GRM4: variants seen among roughly 807,000 people sequenced by gnomAD.
The protein encoded by GRM4 is glutamate metabotropic receptor 4, also known as metabotropic glutamate receptor 4.
GRM4 carries 28 observed loss-of-function variants against 81.7 expected under a neutral mutation model. The observed-to-expected ratio is 0.34, with a 90% CI of 0.25 to 0.47. The LOEUF is 0.47. Ranked by LOEUF, GRM4 falls within the 20% of genes least tolerant of loss-of-function variation. The pLI is 1.00. For missense variants in GRM4, 948 were observed against 1,290.0 expected (o/e 0.73, Z 4.06); for synonymous variants, 488 against 528.8 (o/e 0.92, Z 1.06).
At position 34,049,408 on chromosome 6, in the gene GRM4, C is replaced by A. The variant is rs901757919; in HGVS notation, c.1168+7136G>T. On this transcript the variant is annotated intron_variant, in intron 6 of 10. Transcript: ENST00000538487. ...CCCTTCTCAGCTTCCATGCTGGCCC[C>A]CTTCTCTCTGCCCCCAACACTCCAG... 2.6e-5 allele frequency among the ~76,000 whole-genome samples: 4 copies of A among 152,060 alleles called. No individual in the cohort carries two copies. In the East Asian group the frequency reaches 7.7e-4, roughly 29 times the overall value.
intron 2 of GRM4, among the ~76,000 whole-genome samples, chr6:34,128,487 T>A (rs1040250059): frequency 6.6e-6 from 1 of 150,888 alleles, no homozygotes; most frequent in Non-Finnish European, 1.5e-5. Context: ...AAGCGATTCA[T>A]CTGCCTCAGC....
At chr6:34,139,900 C>T (rs573928365) in intron 1 of GRM4, among the ~76,000 whole-genome samples, 1 of 152,362 alleles carries the variant, frequency 6.6e-6, no homozygotes, top group East Asian at 1.9e-4. Flanking sequence ...ACCCACTGTG[C>T]ACCAGCCTCT....
At position 34,056,725 on chromosome 6, in the gene GRM4, T is replaced by C. The variant is rs769323801; in HGVS notation, c.1028-41A>G. The C allele has an allele frequency of 4.8e-5, 77 of 1,593,806 alleles. 1 individual carries two copies. The highest frequency in any genetic ancestry group is 6.3e-5 in the Non-Finnish European group (74 of 1,168,040). ...GACGTCAGGGCCTCACTGGCCTTCT[T>C]CCCCACCAGCCCCAGCCCTCCCCGC... On this transcript the variant is annotated intron_variant, in intron 5 of 10. Transcript: ENST00000538487.
chr6:34,059,254 C>T lies in GRM4; in HGVS notation c.873-126G>A. The T allele has an allele frequency of 6.2e-6, 5 of 803,332 alleles. No individual in the cohort carries two copies. In the South Asian group the frequency reaches 8.3e-5, roughly 13 times the overall value. 49.8% of individuals were successfully genotyped at this position (803,332 alleles called of 1,614,324 possible). A position where few individuals can be genotyped will look rare whatever the true frequency, so the allele number is the denominator to read the frequency against. ...AGCCCAGGGTCCACAACTGTCCCAG[C>T]ACCGATGCTTTCACCCCAAGCCATG... On this transcript the variant is annotated intron_variant, in intron 4 of 10. Transcript: ENST00000538487. The surrounding 1 kb of genome is among the most constrained non-coding windows in gnomAD (Gnocchi z 5.7).
At position 34,137,197 on chromosome 6, in the gene GRM4, C is replaced by T. The variant is rs149912826; in HGVS notation, c.-363-3338G>A. ...GGCCCCACCCCCAGACGGGCCTCTTCCCCCTTTCCTTTCCTTCTCCCTTCC... is the reference window on the plus strand; with the variant it reads ...GGCCCCACCCCCAGACGGGCCTCTTTCCCCTTTCCTTTCCTTCTCCCTTCC... On this transcript the variant is annotated intron_variant, in intron 1 of 10. Coordinates refer to ENST00000538487, the MANE Select transcript of GRM4 (RefSeq NM_000841.4). Among the ~76,000 whole-genome samples, 616 of 152,342 alleles carry T rather than the reference C, an allele frequency of 4.0e-3. 6 individuals are homozygous for T. Among genetic ancestry groups the T allele is most frequent in the African/African-American group, 0.014 (585 of 41,576 alleles).
At chr6:34,134,093 GCTAT>G (rs1352225732) in intron 1 of GRM4, among the ~76,000 whole-genome samples, 1 of 152,126 alleles carries the variant, frequency 6.6e-6, no homozygotes, top group Non-Finnish European at 1.5e-5. Flanking sequence ...TGTACCCACT[GCTAT>G]CAGTAGCCCG....
In GRM4 at chr6:34,069,192, ACACACACACACACG is replaced by A. The variant is rs1194112109; in HGVS notation, c.737-7178_737-7165del. On this transcript the variant is annotated intron_variant, in intron 3 of 10. Transcript: ENST00000538487. The surrounding 1 kb of genome is among the most constrained non-coding windows in gnomAD (Gnocchi z 6.4). Reference sequence around the variant, plus strand: ...TACACACACACACACACACACACACACACACACACACACGCACGCACACACGGCTCCTTCCTTCT... The same window carrying A: ...TACACACACACACACACACACACACACACGCACACACGGCTCCTTCCTTCT... 9.7e-4 allele frequency among the ~76,000 whole-genome samples: 144 copies of A among 148,028 alleles called. No individual in the cohort carries two copies. The highest frequency in any genetic ancestry group is 3.4e-3 in the African/African-American group (134 of 38,858).
At chr6:34,071,568 CCACA>C (rs751577392) in intron 3 of GRM4, among the ~76,000 whole-genome samples, 56 of 26,284 alleles carry the variant, frequency 2.1e-3, no homozygotes, top group Non-Finnish European at 2.9e-3. Flanking sequence ...CAGATAAACA[CCACA>C]CACACACACA....
chr6:34,146,133 T>C (rs2127520160), upstream of GRM4: 1 of 985,464 alleles, frequency 1.0e-6, no homozygotes, highest in Non-Finnish European at 1.2e-6. Context: ...CCCTGGTGCG[T>C]CACTGGAACC....
intron 2 of GRM4, among the ~76,000 whole-genome samples, chr6:34,108,538 G>A (rs548199804): frequency 2.6e-5 from 4 of 152,298 alleles, no homozygotes; most frequent in African/African-American, 4.8e-5. Context: ...AGGATTGGAC[G>A]GAATCACCTA....
At chr6:34,139,010 C>T (rs77318299) in intron 1 of GRM4, among the ~76,000 whole-genome samples, 3,412 of 152,350 alleles carry the variant, frequency 0.022, 114 homozygotes, top group African/African-American at 0.067. Context: ...TCAACCCACC[C>T]CAGGCCAGCT....
intron 1 of GRM4, among the ~76,000 whole-genome samples, chr6:34,144,340 C>G (rs561954079): frequency 1.7e-4 from 26 of 152,286 alleles, no homozygotes; most frequent in South Asian, 4.1e-4. Context: ...GACCCCGGAG[C>G]GGGGACCCCC....
chr6:34,036,644 C>T lies in GRM4; in HGVS notation c.1507-41G>A. On this transcript the variant is annotated intron_variant, in intron 8 of 10. Coordinates refer to ENST00000538487, the MANE Select transcript of GRM4 (RefSeq NM_000841.4). The surrounding 1 kb of genome is among the most constrained non-coding windows in gnomAD (Gnocchi z 9.0). ...CCGTAAAGCAGGCCTCAGAACATGC[C>T]ACCCGGTGCCCCGGACCATCCTACT... 1 of 1,144,434 alleles carries T rather than the reference C, an allele frequency of 8.7e-7. No individual in the cohort carries two copies. The highest frequency in any genetic ancestry group is 1.4e-5 in the South Asian group (1 of 70,684). 70.9% of individuals were successfully genotyped at this position (1,144,434 alleles called of 1,614,324 possible).
intron 9 of GRM4, among the ~76,000 whole-genome samples, chr6:34,033,540 T>C (rs748505331): frequency 7.9e-5 from 12 of 152,116 alleles, no homozygotes; most frequent in Non-Finnish European, 1.6e-4. Context: ...CCAGCTGCCA[T>C]GGGGCCAAAC....
intron 2 of GRM4, among the ~76,000 whole-genome samples, chr6:34,124,732 A>G (rs1769954320): frequency 6.6e-6 from 1 of 152,260 alleles, no homozygotes; most frequent in South Asian, 2.1e-4. Flanking sequence ...GGAGATGGCC[A>G]GTAGGTTCAG....
chr6:34,127,445 G>A (rs1469213269), intron 2 of GRM4, among the ~76,000 whole-genome samples: 2 of 152,236 alleles, frequency 1.3e-5, no homozygotes, highest in Admixed American at 6.5e-5. Context: ...GAGAGACAAA[G>A]GGACATCAGG....
chr6:34,032,400 G>A (rs1562010271), intron 9 of GRM4, among the ~76,000 whole-genome samples: 1 of 152,268 alleles, frequency 6.6e-6, no homozygotes, highest in Non-Finnish European at 1.5e-5. Context: ...CAGACCTGCA[G>A]CTTGCACTGG....
rs1312063953 is a variant in GRM4 at position 34,070,819 on chromosome 6, C to T, written c.737-8791G>A. On this transcript the variant is annotated intron_variant, in intron 3 of 10. Coordinates refer to ENST00000538487, the MANE Select transcript of GRM4 (RefSeq NM_000841.4). The surrounding 1 kb of genome is among the most constrained non-coding windows in gnomAD (Gnocchi z 4.6). Reference sequence around the variant, plus strand: ...ACACACACACACACACACACACACACGGCAATGCACACCCTTACAAAATCA... The same window carrying T: ...ACACACACACACACACACACACACATGGCAATGCACACCCTTACAAAATCA... Among the ~76,000 whole-genome samples, 3 of 138,162 alleles carry T rather than the reference C, an allele frequency of 2.2e-5. No individual in the cohort carries two copies. Among genetic ancestry groups the T allele is most frequent in the Admixed American group, 7.1e-5 (1 of 14,020 alleles). 90.6% of individuals were successfully genotyped at this position (138,162 alleles called of 152,430 possible). A position where few individuals can be genotyped will look rare whatever the true frequency, so the allele number is the denominator to read the frequency against.
At chr6:34,155,291 G>C (rs920842664) in exon 1 of GRM4, 1 of 1,533,494 alleles carries the variant, frequency 6.5e-7, no homozygotes, top group African/African-American at 1.4e-5. Context: ...TGGGAGGAAG[G>C]TGGGGTACAG....
Sources: allele counts gnomAD v4.1 joint callset (sites outside exome capture counted in the v4.1 genomes callset), GRCh38; gene constraint gnomAD v4.1.1; non-coding constraint Gnocchi (gnomAD v3.1); transcripts MANE v1.5; gene names NCBI Gene and HGNC (gene_info 2026-07-23, HGNC 2026-07-21).